The following FAM193A variants were observed in gnomAD, a reference collection of about 807,000 sequenced individuals.
The protein encoded by FAM193A is family with sequence similarity 193 member A.
A neutral mutation model predicts 126.5 loss-of-function variants in FAM193A; 22 were observed. The observed-to-expected ratio is 0.17, with a 90% CI of 0.12 to 0.25. The LOEUF is 0.25. FAM193A is among the 10% of genes least tolerant of loss of function. FAM193A has a pLI of 1.00. For missense variants in FAM193A, 1,675 were observed against 1,672.8 expected (o/e 1.00, Z -0.02); for synonymous variants, 761 against 646.8 (o/e 1.18, Z -2.68).
intron 1 of FAM193A, among the ~76,000 whole-genome samples, chr4:2,554,247 G>A (rs1738121393): frequency 6.6e-6 from 1 of 152,028 alleles, no homozygotes; most frequent in African/African-American, 2.4e-5. Context: ...ACTGTGCCCA[G>A]CTAAGTTTTG....
At chr4:2,592,124 T>C (rs1393860431) in intron 1 of FAM193A, among the ~76,000 whole-genome samples, 2 of 152,190 alleles carry the variant, frequency 1.3e-5, no homozygotes, top group African/African-American at 4.8e-5. Context: ...GGAGTATTGC[T>C]CTGTTTGCCC....
rs1324364029 is a variant in FAM193A at position 2,626,512 on chromosome 4, G to A, written c.738G>A (p.Pro246=). The A allele has an allele frequency of 2.6e-5, 18 of 702,320 alleles. No homozygotes were observed. The highest frequency in any genetic ancestry group is 5.9e-5 in the South Asian group (4 of 67,574). 43.5% of individuals were successfully genotyped at this position (702,320 alleles called of 1,614,324 possible). Residue 246 remains proline, a synonymous_variant, in exon 4 of 21, where the codon CCG becomes CCA. Coordinates refer to ENST00000637812, the MANE Select transcript of FAM193A (RefSeq NM_001366318.2). The stretch of plus-strand genomic sequence containing the variant: ...GCATCTACCGCCAGGCAGGAACCCC[G>A]CTGGCAGATGACCAGGACCAGTCTC... ...VRCIYRQAGT[P]LADDQDQSLV...
intron 19 of FAM193A, among the ~76,000 whole-genome samples, chr4:2,705,777 C>T (rs999024907): frequency 2.0e-5 from 3 of 151,224 alleles, no homozygotes; most frequent in Non-Finnish European, 2.9e-5. Context: ...TTAGTAGAAA[C>T]AGGGTCTTGC....
intron 7 of FAM193A, among the ~76,000 whole-genome samples, chr4:2,656,525 A>G (rs1425130768): frequency 6.6e-6 from 1 of 152,222 alleles, no homozygotes. Context: ...TGTGGTGCTC[A>G]TGGCCGTCAC....
chr4:2,643,714 G>A (rs1744862060), intron 6 of FAM193A, among the ~76,000 whole-genome samples: 1 of 152,146 alleles, frequency 6.6e-6, no homozygotes, highest in Non-Finnish European at 1.5e-5. Flanking sequence ...TGGATCCTGC[G>A]TGGGCGTGTT....
At chr4:2,573,023 A>G (rs1038147051) in intron 1 of FAM193A, among the ~76,000 whole-genome samples, 11 of 152,246 alleles carry the variant, frequency 7.2e-5, no homozygotes, top group African/African-American at 2.6e-4. Flanking sequence ...AACAGCTTGT[A>G]CATTTTGTTA....
intron 2 of FAM193A, among the ~76,000 whole-genome samples, chr4:2,615,874 G>A (rs1742152459): frequency 6.6e-6 from 1 of 151,664 alleles, no homozygotes; most frequent in African/African-American, 2.4e-5. Context: ...GTAGTGGCGC[G>A]ATCTCAGCTC....
chr4:2,700,417 T>A lies in FAM193A; in HGVS notation c.4245T>A (p.Pro1415=). The part of the protein sequence containing the change: ...HIKDEKSNPT[P]MEPTSPGEHQ... ...AGGACGAAAAGTCAAACCCAACCCC[T>A]ATGGAGCCCACCTCTCCCGGTGAGC... Residue 1415 remains proline (P), a synonymous_variant, in exon 19 of 21, where the codon CCT becomes CCA. Transcript: ENST00000637812. The A allele has an allele frequency of 6.2e-7, 1 of 1,613,982 alleles. No homozygotes were observed.
intron 1 of FAM193A, among the ~76,000 whole-genome samples, chr4:2,576,325 C>A (rs1162221702): frequency 6.6e-6 from 1 of 152,168 alleles, no homozygotes; most frequent in East Asian, 1.9e-4. Context: ...GTCTTGAACT[C>A]CTGACCTCGT....
At chr4:2,643,307 A>T (rs1008282647) in intron 6 of FAM193A, among the ~76,000 whole-genome samples, 1 of 152,100 alleles carries the variant, frequency 6.6e-6, no homozygotes, top group African/African-American at 2.4e-5. Flanking sequence ...TTACATACAA[A>T]CACCCCTTAA....
At chr4:2,597,551 G>C (rs1740936142) in intron 2 of FAM193A, among the ~76,000 whole-genome samples, 1 of 152,152 alleles carries the variant, frequency 6.6e-6, no homozygotes, top group African/African-American at 2.4e-5. Context: ...CGTCTTGCCT[G>C]CGTTGGAGGA....
chr4:2,567,730 T>C (rs7661536), intron 1 of FAM193A, among the ~76,000 whole-genome samples: 10,052 of 152,272 alleles, frequency 0.066, 574 homozygotes, highest in African/African-American at 0.15. Flanking sequence ...TCAAAAGCCG[T>C]GCACCTTGTG....
At chr4:2,704,575 A>T (rs1008261679) in intron 19 of FAM193A, among the ~76,000 whole-genome samples, 1 of 151,876 alleles carries the variant, frequency 6.6e-6, no homozygotes, top group African/African-American at 2.4e-5. Context: ...AAAAAAAAAT[A>T]AAATAAAAAT....
chr4:2,674,616 G>T (rs74409712), intron 13 of FAM193A, among the ~76,000 whole-genome samples: 5,043 of 152,178 alleles, frequency 0.033, 116 homozygotes, highest in Non-Finnish European at 0.051. Flanking sequence ...GGCACATTAT[G>T]TCATTGTAGT....
intron 20 of FAM193A, among the ~76,000 whole-genome samples, chr4:2,725,137 C>G (rs1372750754): frequency 6.6e-6 from 1 of 152,022 alleles, no homozygotes; most frequent in Non-Finnish European, 1.5e-5. Context: ...CCTCCGCCTC[C>G]CAAAGTGCTG....
chr4:2,666,572 G>A (rs1250177884), intron 12 of FAM193A, among the ~76,000 whole-genome samples: 1 of 152,164 alleles, frequency 6.6e-6, no homozygotes, highest in Non-Finnish European at 1.5e-5. Context: ...TTTTCTGAAG[G>A]AGTTTGTTTA....
chr4:2,618,102 C>T (rs1466814933), intron 2 of FAM193A, among the ~76,000 whole-genome samples: 1 of 152,084 alleles, frequency 6.6e-6, no homozygotes, highest in Non-Finnish European at 1.5e-5. Flanking sequence ...AACACGTTGT[C>T]GTCCTTATCT....
At chr4:2,625,719 CTTTTTTTTTTTT>C (rs35220520) in intron 3 of FAM193A, among the ~76,000 whole-genome samples, 1 of 79,304 alleles carries the variant, frequency 1.3e-5, no homozygotes, top group East Asian at 3.4e-4. Flanking sequence ...TGGAGCTCAT[CTTTTTTTTTTTT>C]TTTTTTTTTT....
intron 17 of FAM193A, 72 bp downstream of exon 17, chr4:2,695,201 T>C (rs1716896418): frequency 6.7e-6 from 9 of 1,347,792 alleles, no homozygotes; most frequent in Non-Finnish European, 8.9e-6. Flanking sequence ...AGAAATTCTG[T>C]ACTAGGTTGA....
Sources: gnomAD v4.1 joint callset for allele counts (sites outside exome capture counted in the v4.1 genomes callset) on GRCh38, gnomAD v4.1.1 for gene constraint, MANE v1.5 for transcripts, NCBI Gene and HGNC (gene_info 2026-07-23, HGNC 2026-07-21) for gene names.